The following ANKRD31 variants were observed in gnomAD, a reference collection of about 807,000 sequenced individuals.
ANKRD31 encodes ankyrin repeat domain 31.
A neutral mutation model predicts 186.0 loss-of-function variants in ANKRD31; 147 were observed. The observed-to-expected ratio is 0.79, with a 90% CI of 0.69 to 0.91. ANKRD31 has a LOEUF of 0.91. Ranked by LOEUF, ANKRD31 falls within the 40% of genes least tolerant of loss-of-function variation. The pLI, the probability that ANKRD31 is intolerant of heterozygous loss-of-function variation, is 0.00. For missense variants in ANKRD31, 1,986 were observed against 2,148.8 expected (o/e 0.92, Z 1.50); for synonymous variants, 673 against 736.4 (o/e 0.91, Z 1.39).
chr5:75,163,476 C>T (rs999113734), intron 11 of ANKRD31, among the ~76,000 whole-genome samples: 5 of 152,162 alleles, frequency 3.3e-5, no homozygotes, highest in Non-Finnish European at 5.9e-5. Flanking sequence ...AGCTGAATTG[C>T]AGCTGAAGGG....
intron 24 of ANKRD31, among the ~76,000 whole-genome samples, 172 bp from the exon 25 acceptor site, chr5:75,080,811 TC>T (rs1745024284): frequency 2.0e-5 from 3 of 152,114 alleles, no homozygotes; most frequent in Non-Finnish European, 4.4e-5. Context: ...TCTTCCTACT[TC>T]CCCTTATTTC....
intron 23 of ANKRD31, 99 bp from the exon 24 acceptor site, chr5:75,084,473 T>C: frequency 1.1e-6 from 1 of 950,980 alleles, no homozygotes; most frequent in Non-Finnish European, 1.6e-6. Flanking sequence ...GTTTTGATTG[T>C]TGTATGTTGT....
intron 1 of ANKRD31, among the ~76,000 whole-genome samples, chr5:75,232,960 T>C (rs111444168): frequency 1.0e-3 from 153 of 152,312 alleles, no homozygotes; most frequent in African/African-American, 3.1e-3. Context: ...TGTCTTCCTT[T>C]AGCCTCCCTA....
intron 12 of ANKRD31, among the ~76,000 whole-genome samples, chr5:75,153,803 G>A (rs1751990953): frequency 2.0e-5 from 3 of 152,190 alleles, no homozygotes; most frequent in Admixed American, 1.3e-4. Flanking sequence ...ATAGAGCAGT[G>A]GATGAGAGGG....
At chr5:75,115,576 A>C (rs939731985) in intron 19 of ANKRD31, among the ~76,000 whole-genome samples, 60 of 151,544 alleles carry the variant, frequency 4.0e-4, no homozygotes, top group African/African-American at 1.4e-3. Context: ...AAAACAAACA[A>C]CCCCATCAAA....
chr5:75,091,213 C>T, intron 23 of ANKRD31, 48 bp downstream of exon 23: 1 of 1,492,482 alleles, frequency 6.7e-7, no homozygotes, highest in Non-Finnish European at 8.9e-7. Flanking sequence ...AAAATATGTA[C>T]TTTTCCATTT....
chr5:75,118,809 G>A lies in ANKRD31; in HGVS notation c.3877-512C>T, dbSNP rs77166703. 2.5e-3 allele frequency among the ~76,000 whole-genome samples: 376 copies of A among 152,256 alleles called. 8 individuals carry two copies. In the East Asian group the frequency reaches 0.062, roughly 25 times the overall value. On this transcript the variant is annotated intron_variant, in intron 17 of 25. Transcript: ENST00000506364. ...CAGATTAAGCCACTTGCATCTTAAC[G>A]TGGAATTTCTGACGCCCAGAAGGAT...
At chr5:75,108,880 C>G (rs887320257) in intron 20 of ANKRD31, among the ~76,000 whole-genome samples, 43 of 152,150 alleles carry the variant, frequency 2.8e-4, no homozygotes, top group African/African-American at 1.0e-3. Context: ...GTCATCCCAG[C>G]TTTTCCAACT....
chr5:75,215,471 C>G (rs939142781), intron 3 of ANKRD31, among the ~76,000 whole-genome samples: 6 of 152,104 alleles, frequency 3.9e-5, no homozygotes, highest in African/African-American at 1.2e-4. Context: ...ACTCTCCACA[C>G]AAACCAAAAT....
intron 23 of ANKRD31, among the ~76,000 whole-genome samples, chr5:75,089,595 A>G (rs1202025736): frequency 2.6e-5 from 4 of 152,234 alleles, no homozygotes; most frequent in African/African-American, 7.2e-5. Context: ...AGCCTTTTAA[A>G]TATTGTAAAG....
intron 24 of ANKRD31, 38 bp from the exon 25 acceptor site, chr5:75,080,677 A>C (rs759062435): frequency 2.8e-6 from 4 of 1,427,026 alleles, no homozygotes; most frequent in Non-Finnish European, 3.8e-6. Context: ...AATTTTGCTG[A>C]ATTAGGGGAC....
chr5:75,087,972 C>T (rs779846563), intron 23 of ANKRD31, among the ~76,000 whole-genome samples: 1 of 152,168 alleles, frequency 6.6e-6, no homozygotes, highest in Non-Finnish European at 1.5e-5. Context: ...TTTCTATTTT[C>T]AGGATCCAAA....
At chr5:75,186,385 G>T (rs544952020) in intron 10 of ANKRD31, among the ~76,000 whole-genome samples, 1 of 152,076 alleles carries the variant, frequency 6.6e-6, no homozygotes. Context: ...AGTATAAAGC[G>T]CACTCCTTTC....
At chr5:75,207,587 T>C (rs1483920378) in intron 4 of ANKRD31, among the ~76,000 whole-genome samples, 1 of 152,100 alleles carries the variant, frequency 6.6e-6, no homozygotes, top group African/African-American at 2.4e-5. Flanking sequence ...AAAATTCACA[T>C]TTTTAAAAAC....
At chr5:75,185,036 A>C (rs982182972) in intron 10 of ANKRD31, among the ~76,000 whole-genome samples, 2 of 152,192 alleles carry the variant, frequency 1.3e-5, no homozygotes, top group Non-Finnish European at 2.9e-5. Flanking sequence ...CCATAAAAAA[A>C]GAATAAAATT....
chr5:75,216,855 G>A (rs988746233), intron 3 of ANKRD31, among the ~76,000 whole-genome samples: 1 of 152,012 alleles, frequency 6.6e-6, no homozygotes, highest in Non-Finnish European at 1.5e-5. Flanking sequence ...TTTGATGTGG[G>A]TGTTCAGTGC....
intron 22 of ANKRD31, among the ~76,000 whole-genome samples, chr5:75,102,008 CT>C (rs1339848323): frequency 6.6e-6 from 1 of 152,202 alleles, no homozygotes; most frequent in Non-Finnish European, 1.5e-5. Flanking sequence ...AAGAGGTGCT[CT>C]GATTTTTAGA....
Position 75,169,404 on chromosome 5 carries a change from G to T in ANKRD31, c.1565-283C>A, listed in dbSNP as rs548422286. ...CCTCTCCAAATAAATAGGCTGTGCA[G>T]GAGTCATTATCAACTCAAAGTGAAT... On this transcript the variant is annotated intron_variant, in intron 10 of 25. Transcript: ENST00000506364. 3.9e-5 allele frequency among the ~76,000 whole-genome samples: 6 copies of T among 152,248 alleles called. No homozygotes were observed. The South Asian group carries it at 1.2e-3, about 32-fold the overall frequency.
At chr5:75,224,586 T>C (rs1045628032) in intron 2 of ANKRD31, among the ~76,000 whole-genome samples, 3 of 151,550 alleles carry the variant, frequency 2.0e-5, no homozygotes, top group Admixed American at 6.6e-5. Context: ...ATTAGGAAAA[T>C]TGGTTAACCA....
Sources: gnomAD v4.1 joint callset for allele counts (sites outside exome capture counted in the v4.1 genomes callset) on GRCh38, gnomAD v4.1.1 for gene constraint, MANE v1.5 for transcripts, NCBI Gene and HGNC (gene_info 2026-07-23, HGNC 2026-07-21) for gene names.